Variants in GATA4 observed in about 807,000 individuals in gnomAD.
The protein encoded by GATA4 is GATA binding protein 4.
In GATA4, 7 loss-of-function variants were observed where a neutral mutation model predicts 37.9. The ratio of observed to expected loss-of-function variants is 0.18; its 90% confidence interval spans 0.11 to 0.35. GATA4 has a LOEUF of 0.35. Ranked by LOEUF, GATA4 falls within the 10% of genes least tolerant of loss-of-function variation. The pLI is 1.00. For synonymous variants in GATA4, 372 were observed against 292.6 expected, an observed-to-expected ratio of 1.27 and a Z score of -2.77; for missense variants, 647 against 653.0, an observed-to-expected ratio of 0.99 and a Z score of 0.10.
At chr8:11,730,890 T>A (rs970336020) in intron 2 of GATA4, among the ~76,000 whole-genome samples, 2 of 152,222 alleles carry the variant, frequency 1.3e-5, no homozygotes, top group Non-Finnish European at 2.9e-5. Flanking sequence ...CCTCTCTGTT[T>A]GTCTCGTGTC....
intron 5 of GATA4, 95 bp downstream of exon 5, chr8:11,755,228 G>GC: frequency 1.0e-6 from 1 of 983,734 alleles, no homozygotes; most frequent in Admixed American, 1.9e-5. Flanking sequence ...GCCAGCCCGG[G>GC]CCGCCAGGGG....
At chr8:11,739,336 T>C (rs909303306) in intron 2 of GATA4, among the ~76,000 whole-genome samples, 1 of 152,240 alleles carries the variant, frequency 6.6e-6, no homozygotes, top group Non-Finnish European at 1.5e-5. Flanking sequence ...TTGGGCGTTT[T>C]GGTTGTTTCC....
At chr8:11,706,122 C>T (rs970899076) in intron 1 of GATA4, 1 of 152,204 alleles carries the variant, frequency 6.6e-6, no homozygotes, top group Non-Finnish European at 1.5e-5. Flanking sequence ...TCTAACCAAA[C>T]TTGCTGGAAT....
intron 2 of GATA4, among the ~76,000 whole-genome samples, chr8:11,731,734 A>T (rs1360546203): frequency 6.6e-6 from 1 of 152,244 alleles, no homozygotes; most frequent in Non-Finnish European, 1.5e-5. Flanking sequence ...GGCTAATTTT[A>T]TATGTATTTT....
chr8:11,697,945 G>C, intron 1 of GATA4: 1 of 985,472 alleles, frequency 1.0e-6, no homozygotes. Flanking sequence ...TTGAGGTCTT[G>C]GGCCTGGCGG....
At chr8:11,716,886 G>C (rs1463711831) in intron 2 of GATA4, among the ~76,000 whole-genome samples, 1 of 152,252 alleles carries the variant, frequency 6.6e-6, no homozygotes, top group Non-Finnish European at 1.5e-5. Flanking sequence ...GCTTGTGTCT[G>C]CATAAGAAAG....
intron 2 of GATA4, among the ~76,000 whole-genome samples, chr8:11,729,634 C>G (rs921903629): frequency 2.6e-5 from 4 of 151,706 alleles, no homozygotes; most frequent in African/African-American, 4.8e-5. Context: ...AGTGTGTGTT[C>G]TGAGAAAGCC....
At chr8:11,723,979 C>T (rs1800798711) in intron 2 of GATA4, among the ~76,000 whole-genome samples, 1 of 152,194 alleles carries the variant, frequency 6.6e-6, no homozygotes, top group South Asian at 2.1e-4. Flanking sequence ...TCCGTATCCC[C>T]TTCCCTCCAG....
chr8:11,706,320 A>C (rs1417249478), intron 1 of GATA4, among the ~76,000 whole-genome samples: 1 of 152,230 alleles, frequency 6.6e-6, no homozygotes, highest in East Asian at 1.9e-4. Flanking sequence ...TACAGTAATA[A>C]AGATGATCAT....
chr8:11,747,150 C>T (rs28709984), intron 2 of GATA4, among the ~76,000 whole-genome samples: 21,672 of 152,176 alleles, frequency 0.14, 1,843 homozygotes, highest in African/African-American at 0.22. Flanking sequence ...CTGCCCTTGC[C>T]TCTGGCAGCA....
At chr8:11,720,067 C>T (rs755113933) in intron 2 of GATA4, among the ~76,000 whole-genome samples, 9 of 151,888 alleles carry the variant, frequency 5.9e-5, no homozygotes, top group African/African-American at 2.2e-4. Flanking sequence ...GGTGAAAGCA[C>T]ATTGGTCTGG....
At chr8:11,715,607 G>A (rs1051350160) in intron 2 of GATA4, among the ~76,000 whole-genome samples, 1 of 152,066 alleles carries the variant, frequency 6.6e-6, no homozygotes, top group African/African-American at 2.4e-5. Context: ...TGGGCATGGT[G>A]GCACGTGCCT....
At chr8:11,693,558 C>CAGAGAGAGAG (rs1335915996) in intron 1 of GATA4, among the ~76,000 whole-genome samples, 4 of 82,402 alleles carry the variant, frequency 4.9e-5, no homozygotes, top group Admixed American at 1.4e-4. Flanking sequence ...CACACACACA[C>CAGAGAGAGAG]ACACAGAGAG....
intron 1 of GATA4, among the ~76,000 whole-genome samples, chr8:11,686,043 C>T (rs1047492239): frequency 1.8e-4 from 27 of 152,140 alleles, no homozygotes; most frequent in Non-Finnish European, 1.3e-4. Flanking sequence ...TGTCAGGTTC[C>T]GGTTTTGAAA....
chr8:11,741,727 C>A (rs942655008), intron 2 of GATA4, among the ~76,000 whole-genome samples: 2 of 152,202 alleles, frequency 1.3e-5, no homozygotes, highest in Non-Finnish European at 2.9e-5. Flanking sequence ...GGCCAGGAAG[C>A]GTTTCCCAAG....
intron 1 of GATA4, among the ~76,000 whole-genome samples, chr8:11,684,453 A>G (rs1799076323): frequency 6.6e-6 from 1 of 152,256 alleles, no homozygotes; most frequent in African/African-American, 2.4e-5. Context: ...TGTTCACAAA[A>G]GCCAATTTCT....
At position 11,716,632 on chromosome 8, in the gene GATA4, G is replaced by A. The variant is rs562376787; in HGVS notation, c.616+7704G>A. Among the ~76,000 whole-genome samples, 44 of 152,322 alleles carry A rather than the reference G, an allele frequency of 2.9e-4. 1 individual carries two copies. Among genetic ancestry groups the A allele is most frequent in the Non-Finnish European group, 5.0e-4 (34 of 68,034 alleles). On this transcript the variant is annotated intron_variant, in intron 2 of 6. Coordinates refer to ENST00000532059, the MANE Select transcript of GATA4 (RefSeq NM_001308093.3). The stretch of plus-strand genomic sequence containing the variant: ...GCGGACACCCCAGCCCCACACTACT[G>A]TGGCTTCCCCACTTGTGGGCACAAA...
chr8:11,728,872 T>C (rs976120205), intron 2 of GATA4, among the ~76,000 whole-genome samples: 1 of 152,194 alleles, frequency 6.6e-6, no homozygotes, highest in Non-Finnish European at 1.5e-5. Flanking sequence ...TTCTCTTACA[T>C]AGGGGGGCAC....
chr8:11,706,097 T>TA (rs1302886955), intron 1 of GATA4: 1 of 152,222 alleles, frequency 6.6e-6, no homozygotes, highest in East Asian at 1.9e-4. Flanking sequence ...GGTCAATTTT[T>TA]AAAAAAATCT....
Sources: allele counts gnomAD v4.1 joint callset (sites outside exome capture counted in the v4.1 genomes callset), GRCh38; gene constraint gnomAD v4.1.1; transcripts MANE v1.5; gene names NCBI Gene and HGNC (gene_info 2026-07-23, HGNC 2026-07-21).